KCNQ1: variants seen among roughly 807,000 people sequenced by gnomAD.
KCNQ1 encodes potassium voltage-gated channel subfamily KQT member 1.
In KCNQ1, 49 loss-of-function variants were observed where a neutral mutation model predicts 72.4. The ratio of observed to expected loss-of-function variants is 0.68; its 90% confidence interval spans 0.54 to 0.86. KCNQ1 has a LOEUF of 0.86. KCNQ1 is among the 40% of genes least tolerant of loss of function. The pLI is 0.00. For synonymous variants in KCNQ1, 450 were observed against 412.6 expected, an observed-to-expected ratio of 1.09 and a Z score of -1.10; for missense variants, 790 against 945.1, an observed-to-expected ratio of 0.84 and a Z score of 2.15.
At position 2,509,623 on chromosome 11, in the gene KCNQ1, C is replaced by T. The variant is rs990506204; in HGVS notation, c.387-18305C>T. ...TGCAGGTCGTGGTCCCAGATGGCCA[C>T]GGAGGTGTCAGCGTTTCACTCCCAG... is the stretch of plus-strand genomic sequence containing the variant. On this transcript the variant is annotated intron_variant, in intron 1 of 15. Transcript: ENST00000155840. This position sits in a 1 kb window ranked among gnomAD's most constrained non-coding sequence, Gnocchi z 6.3. Among the ~76,000 whole-genome samples the T allele has an allele frequency of 2.6e-5, 4 of 152,184 alleles. No homozygotes were observed. The highest frequency in any genetic ancestry group is 4.8e-5 in the African/African-American group (2 of 41,452).
intron 15 of KCNQ1, among the ~76,000 whole-genome samples, chr11:2,819,107 G>GTTCATTCA (rs373616466): frequency 6.6e-6 from 1 of 152,180 alleles, no homozygotes; most frequent in South Asian, 2.1e-4. Flanking sequence ...TTGTTCATTG[G>GTTCATTCA]TTCATTCATT....
chr11:2,742,876 C>T (rs562499112), intron 11 of KCNQ1, among the ~76,000 whole-genome samples: 4 of 152,290 alleles, frequency 2.6e-5, no homozygotes, highest in Non-Finnish European at 5.9e-5. Flanking sequence ...AAATCCAGTG[C>T]TCCGAGCCCC....
At chr11:2,542,413 C>T (rs901705694) in intron 2 of KCNQ1, among the ~76,000 whole-genome samples, 5 of 152,242 alleles carry the variant, frequency 3.3e-5, no homozygotes, top group African/African-American at 1.2e-4. Flanking sequence ...CCGCCATAGC[C>T]TCAGTTTTAT....
intron 14 of KCNQ1, chr11:2,777,551 T>TC: frequency 1.8e-6 from 1 of 548,804 alleles, no homozygotes; most frequent in South Asian, 2.8e-5. Context: ...GCACATTCCC[T>TC]GGGGTTTCCC....
chr11:2,821,311 G>C (rs1847732220), intron 15 of KCNQ1, among the ~76,000 whole-genome samples: 1 of 152,252 alleles, frequency 6.6e-6, no homozygotes, highest in African/African-American at 2.4e-5. Flanking sequence ...GGATGGGAAG[G>C]TGGCCGTGGG....
chr11:2,655,412 T>G (rs1849827837), intron 10 of KCNQ1: 1 of 398,588 alleles, frequency 2.5e-6, no homozygotes, highest in Admixed American at 4.4e-5. Context: ...CTGTGCTCTT[T>G]GTCCCCAGGG....
At position 2,734,995 on chromosome 11, in the gene KCNQ1, C is replaced by G. The variant is rs987274083; in HGVS notation, c.1515-33849C>G. On this transcript the variant is annotated intron_variant, in intron 11 of 15. Transcript: ENST00000155840. The surrounding 1 kb of genome is among the most constrained non-coding windows in gnomAD (Gnocchi z 7.0). ...GTGCCCAGCCGGCTGTGCACGCTGC[C>G]CCAGGCTGGTGGGGTAAGCGCCTCG... Among the ~76,000 whole-genome samples the G allele has an allele frequency of 1.3e-5, 2 of 152,014 alleles. No individual in the cohort carries two copies. The highest frequency in any genetic ancestry group is 4.8e-5 in the African/African-American group (2 of 41,400).
chr11:2,584,649 TTGTG>T (rs1324975522), intron 7 of KCNQ1, among the ~76,000 whole-genome samples: 3 of 149,332 alleles, frequency 2.0e-5, no homozygotes, highest in Admixed American at 6.7e-5. Flanking sequence ...TAGTGTGTTT[TTGTG>T]TGTGTTAGTG....
In KCNQ1 at chr11:2,603,573, TTCTC is replaced by T. The variant is rs1848836877; in HGVS notation, c.1393+14723_1393+14726del. ...CTCAGCCCTAGGCAATAACTAATCT[TTCTC>T]TCTATGGGTTTGCCTATTCTGGACA... On this transcript the variant is annotated intron_variant, in intron 10 of 15. Transcript: ENST00000155840. This position sits in a 1 kb window ranked among gnomAD's most constrained non-coding sequence, Gnocchi z 4.1. 6.6e-6 allele frequency among the ~76,000 whole-genome samples: 1 copy of T among 152,048 alleles called. No individual in the cohort carries two copies. Among genetic ancestry groups the T allele is most frequent in the Non-Finnish European group, 1.5e-5 (1 of 68,002 alleles).
chr11:2,699,773 CCCGAGGAGAACCGCGCCGAGGGGCGCG>C (rs1431356108), intron 11 of KCNQ1: 4 of 397,568 alleles, frequency 1.0e-5, no homozygotes, highest in African/African-American at 8.3e-5. Flanking sequence ...GCTGAGGAGC[CCCGAGGAGAACCGCGCCGAGGGGCGCG>C]CCGGGGAGAA....
intron 1 of KCNQ1, among the ~76,000 whole-genome samples, chr11:2,452,901 G>A (rs1234820307): frequency 6.6e-6 from 1 of 152,196 alleles, no homozygotes; most frequent in East Asian, 1.9e-4. Flanking sequence ...CATGTGGAAA[G>A]TGACCAGACT....
In KCNQ1 at chr11:2,541,314, G is replaced by A. The variant is rs1455163944; in HGVS notation, c.477+13296G>A. ...CCGAGCACCATGTGCTGAGAATGAT[G>A]CGTGCATTCAGAGCAGCATTTGGTG... On this transcript the variant is annotated intron_variant, in intron 2 of 15. Coordinates refer to ENST00000155840, the MANE Select transcript of KCNQ1 (RefSeq NM_000218.3). This position sits in a 1 kb window ranked among gnomAD's most constrained non-coding sequence, Gnocchi z 4.8. 6.6e-6 allele frequency among the ~76,000 whole-genome samples: 1 copy of A among 152,248 alleles called. No homozygotes were observed. The highest frequency in any genetic ancestry group is 1.5e-5 in the Non-Finnish European group (1 of 68,042).
intron 10 of KCNQ1, chr11:2,616,318 T>A: frequency 2.5e-6 from 1 of 397,936 alleles, no homozygotes. Flanking sequence ...GGTTTTCAAC[T>A]TTGATCTTTT....
In KCNQ1 at chr11:2,559,911, G is replaced by T. The variant is rs937957607; in HGVS notation, c.478-10717G>T. On this transcript the variant is annotated intron_variant, in intron 2 of 15. Coordinates refer to ENST00000155840, the MANE Select transcript of KCNQ1 (RefSeq NM_000218.3). The surrounding 1 kb of genome is among the most constrained non-coding windows in gnomAD (Gnocchi z 4.9). ...GGGGCCTGGTGTGTGGCTTCCGCTG[G>T]TTTCCTGGGTGTGTCTTCCTGCAGG... 3.3e-5 allele frequency among the ~76,000 whole-genome samples: 5 copies of T among 151,844 alleles called. No homozygotes were observed. Among genetic ancestry groups the T allele is most frequent in the African/African-American group, 7.3e-5 (3 of 41,310 alleles).
chr11:2,611,730 A>G lies in KCNQ1; in HGVS notation c.1393+22876A>G. 2.5e-6 allele frequency: 1 copy of G among 398,438 alleles called. No individual in the cohort carries two copies. Among genetic ancestry groups the G allele is most frequent in the Non-Finnish European group, 4.4e-6 (1 of 226,016 alleles). The allele number at this position is 398,438 out of a possible 1,614,324, so 24.7% of individuals were successfully genotyped here. A position where few individuals can be genotyped will look rare whatever the true frequency, so the allele number is the denominator to read the frequency against. On this transcript the variant is annotated intron_variant, in intron 10 of 15. Transcript: ENST00000155840. This position sits in a 1 kb window ranked among gnomAD's most constrained non-coding sequence, Gnocchi z 5.3. Reference sequence around the variant, plus strand: ...GTAATATAATTATTGATATGGAAGGATTTATATCTACCATGTTGTTATTTA... The same window carrying G: ...GTAATATAATTATTGATATGGAAGGGTTTATATCTACCATGTTGTTATTTA...
intron 1 of KCNQ1, among the ~76,000 whole-genome samples, chr11:2,513,273 C>T (rs1330747409): frequency 1.3e-5 from 2 of 152,154 alleles, no homozygotes; most frequent in African/African-American, 4.8e-5. Flanking sequence ...CTTGGCTGTT[C>T]CCTGATATGG....
At chr11:2,680,027 G>T in intron 11 of KCNQ1, 1 of 396,470 alleles carries the variant, frequency 2.5e-6, no homozygotes. Context: ...CCTAGTAGCT[G>T]GGACTACAGA....
At position 2,816,580 on chromosome 11, in the gene KCNQ1, C is replaced by T. The variant is rs1187254379; in HGVS notation, c.1795-31187C>T. Among the ~76,000 whole-genome samples the T allele has an allele frequency of 1.3e-5, 2 of 152,174 alleles. No homozygotes were observed. The highest frequency in any genetic ancestry group is 2.9e-5 in the Non-Finnish European group (2 of 68,024). On this transcript the variant is annotated intron_variant, in intron 15 of 15. Transcript: ENST00000155840. The surrounding 1 kb of genome is among the most constrained non-coding windows in gnomAD (Gnocchi z 6.8). ...AAACAGCCACCCTGTGGTGAAGCCA[C>T]ACCACATATGATGAGGGGCTGGAGG...
At chr11:2,702,288 G>A (rs921656801) in intron 11 of KCNQ1, among the ~76,000 whole-genome samples, 1 of 152,226 alleles carries the variant, frequency 6.6e-6, no homozygotes, top group African/African-American at 2.4e-5. Flanking sequence ...GCCTTTGTTA[G>A]CTGCATCAGA....
Sources: allele counts gnomAD v4.1 joint callset (sites outside exome capture counted in the v4.1 genomes callset), GRCh38; gene constraint gnomAD v4.1.1; non-coding constraint Gnocchi (gnomAD v3.1); transcripts MANE v1.5; gene names NCBI Gene and HGNC (gene_info 2026-07-23, HGNC 2026-07-21).